Variants in ANGPT1 observed in about 807,000 individuals in gnomAD.
ANGPT1 encodes the protein angiopoietin-1.
ANGPT1 carries 17 observed loss-of-function variants against 62.2 expected under a neutral mutation model. The observed-to-expected ratio is 0.27, with a 90% CI of 0.19 to 0.41. The LOEUF (loss-of-function observed/expected upper bound fraction) is 0.41, where lower values mean the gene tolerates loss of function less well. Among genes scored for constraint, ANGPT1 ranks in the 10% least tolerant of loss-of-function variants. The pLI is 1.00. For synonymous variants in ANGPT1, 199 were observed against 198.9 expected (o/e 1.00, Z 0.00); for missense variants, 478 against 594.9 (o/e 0.80, Z 2.04).
At chr8:107,352,267 G>A (rs556367334) in intron 1 of ANGPT1, among the ~76,000 whole-genome samples, 8 of 152,286 alleles carry the variant, frequency 5.3e-5, no homozygotes, top group Non-Finnish European at 1.2e-4. Flanking sequence ...CATATTGATT[G>A]ATGGCTGTAA....
At chr8:107,399,261 A>T (rs1272472705) in intron 1 of ANGPT1, among the ~76,000 whole-genome samples, 1 of 152,130 alleles carries the variant, frequency 6.6e-6, no homozygotes, top group Non-Finnish European at 1.5e-5. Flanking sequence ...CATCAACAAC[A>T]GTCTTTTCTA....
chr8:107,341,892 C>A (rs1815703929), intron 2 of ANGPT1, among the ~76,000 whole-genome samples: 1 of 151,850 alleles, frequency 6.6e-6, no homozygotes, highest in African/African-American at 2.4e-5. Flanking sequence ...GTTAGTGACA[C>A]CCTCTAGTCA....
intron 1 of ANGPT1, among the ~76,000 whole-genome samples, chr8:107,361,141 C>T (rs1040836621): frequency 2.6e-5 from 4 of 151,992 alleles, no homozygotes. Flanking sequence ...AATATGGATT[C>T]TAACATTATT....
At chr8:107,409,418 G>A (rs1305514259) in intron 1 of ANGPT1, among the ~76,000 whole-genome samples, 1 of 152,168 alleles carries the variant, frequency 6.6e-6, no homozygotes, top group East Asian at 1.9e-4. Flanking sequence ...ACTCAGGCCA[G>A]TTGGTTCTGG....
intron 1 of ANGPT1, among the ~76,000 whole-genome samples, chr8:107,434,832 C>T (rs1280027912): frequency 1.3e-5 from 2 of 151,954 alleles, no homozygotes; most frequent in Non-Finnish European, 2.9e-5. Flanking sequence ...GGTAAATGTC[C>T]CCACTGAATC....
At chr8:107,355,651 A>G (rs1264076739) in intron 1 of ANGPT1, among the ~76,000 whole-genome samples, 1 of 152,052 alleles carries the variant, frequency 6.6e-6, no homozygotes, top group East Asian at 1.9e-4. Flanking sequence ...TCCAACTGGA[A>G]TGCTTCTTTT....
intron 3 of ANGPT1, among the ~76,000 whole-genome samples, chr8:107,323,315 C>T (rs1360823761): frequency 6.6e-6 from 1 of 152,176 alleles, no homozygotes; most frequent in Non-Finnish European, 1.5e-5. Flanking sequence ...TCAGAAGGTT[C>T]AACCCGTCCT....
At chr8:107,289,399 A>G (rs2130159787) in intron 6 of ANGPT1, among the ~76,000 whole-genome samples, 1 of 152,280 alleles carries the variant, frequency 6.6e-6, no homozygotes, top group East Asian at 1.9e-4. Context: ...GGAAGCGTTG[A>G]CTTTTTATAG....
intron 1 of ANGPT1, among the ~76,000 whole-genome samples, chr8:107,380,090 C>T (rs1816605457): frequency 6.6e-6 from 1 of 151,640 alleles, no homozygotes; most frequent in Non-Finnish European, 1.5e-5. Flanking sequence ...CCCGGGATAG[C>T]CTGGTCTGGA....
In ANGPT1 at chr8:107,311,521, T is replaced by C. The variant is rs947811666; in HGVS notation, c.809-8154A>G. ...TTGCAGATATACAAATTTTCAATAA[T>C]ACTACGATATACATAAGACATACAA... On this transcript the variant is annotated intron_variant, in intron 4 of 8. Transcript: ENST00000517746. Among the ~76,000 whole-genome samples, 8 of 152,304 alleles carry C rather than the reference T, an allele frequency of 5.3e-5. No individual in the cohort carries two copies. The South Asian group carries it at 1.4e-3, about 28-fold the overall frequency.
At chr8:107,437,464 T>C (rs560555518) in intron 1 of ANGPT1, among the ~76,000 whole-genome samples, 48 of 152,298 alleles carry the variant, frequency 3.2e-4, no homozygotes, top group African/African-American at 1.1e-3. Context: ...AGTATGTAAA[T>C]GGCCTATAGT....
chr8:107,354,607 T>A (rs1433460451), intron 1 of ANGPT1, among the ~76,000 whole-genome samples: 1 of 152,050 alleles, frequency 6.6e-6, no homozygotes, highest in Non-Finnish European at 1.5e-5. Flanking sequence ...AACATACATA[T>A]CCTTAATGGC....
intron 1 of ANGPT1, among the ~76,000 whole-genome samples, chr8:107,458,901 CA>C (rs1006613585): frequency 6.6e-6 from 1 of 152,004 alleles, no homozygotes; most frequent in Non-Finnish European, 1.5e-5. Flanking sequence ...ACTAGGGCCC[CA>C]AAAGTTTAAG....
rs557928125 is a variant in ANGPT1 at position 107,253,887 on chromosome 8, G to A, written c.1337-1872C>T. Among the ~76,000 whole-genome samples the A allele has an allele frequency of 5.3e-5, 8 of 152,268 alleles. No homozygotes were observed. The East Asian group carries it at 1.4e-3, about 26-fold the overall frequency. On this transcript the variant is annotated intron_variant, in intron 8 of 8. Coordinates refer to ENST00000517746, the MANE Select transcript of ANGPT1 (RefSeq NM_001146.5). ...GTGTAGCTTTTTGAAGGAATAAAGT[G>A]GGGTAATGTTTGCAATGAGTAGAAT...
chr8:107,400,802 C>T (rs1437604554), intron 1 of ANGPT1, among the ~76,000 whole-genome samples: 7 of 152,036 alleles, frequency 4.6e-5, no homozygotes, highest in Non-Finnish European at 1.0e-4. Context: ...TCAGGTGATC[C>T]GTCCACCTCG....
intron 1 of ANGPT1, among the ~76,000 whole-genome samples, chr8:107,429,076 A>C (rs1057108238): frequency 1.3e-5 from 2 of 152,242 alleles, no homozygotes; most frequent in Admixed American, 1.3e-4. Context: ...AACAAGCGAC[A>C]ATCAATAGTT....
At chr8:107,465,230 C>G (rs1447688127) in intron 1 of ANGPT1, among the ~76,000 whole-genome samples, 1 of 152,022 alleles carries the variant, frequency 6.6e-6, no homozygotes, top group Non-Finnish European at 1.5e-5. Context: ...GACTAAATTA[C>G]TAATTGTTAA....
chr8:107,321,165 T>C (rs1318265965), intron 4 of ANGPT1, among the ~76,000 whole-genome samples: 1 of 151,938 alleles, frequency 6.6e-6, no homozygotes, highest in African/African-American at 2.4e-5. Context: ...TCAATAATTG[T>C]TAGGTGGATG....
intron 1 of ANGPT1, among the ~76,000 whole-genome samples, chr8:107,379,550 T>A (rs1586273162): frequency 6.7e-6 from 1 of 148,936 alleles, no homozygotes. Flanking sequence ...CAGAGGAGGT[T>A]AAAAAAAAAA....
Sources: gnomAD v4.1 joint callset for allele counts (sites outside exome capture counted in the v4.1 genomes callset) on GRCh38, gnomAD v4.1.1 for gene constraint, MANE v1.5 for transcripts, NCBI Gene and HGNC (gene_info 2026-07-23, HGNC 2026-07-21) for gene names.